The following CCDC149 variants were observed in gnomAD, a reference collection of about 807,000 sequenced individuals.
CCDC149 encodes coiled-coil domain containing 149, also known as coiled-coil domain-containing protein 149.
A neutral mutation model predicts 59.9 loss-of-function variants in CCDC149; 45 were observed. That is an observed-to-expected ratio of 0.75 (90% CI 0.59 to 0.96). CCDC149 has a LOEUF of 0.96. CCDC149 is among the 40% of genes least tolerant of loss of function. CCDC149 has a pLI of 0.00. For missense variants in CCDC149, 584 were observed against 664.7 expected (o/e 0.88, Z 1.33); for synonymous variants, 245 against 260.6 (o/e 0.94, Z 0.58).
chr4:24,831,973 G>T (rs1716184024), intron 8 of CCDC149, among the ~76,000 whole-genome samples: 1 of 152,144 alleles, frequency 6.6e-6, no homozygotes, highest in African/African-American at 2.4e-5. Context: ...ATGAAATATT[G>T]ATTTTTTTCC....
At chr4:24,886,487 T>C (rs544963775) in intron 1 of CCDC149, among the ~76,000 whole-genome samples, 17 of 152,226 alleles carry the variant, frequency 1.1e-4, no homozygotes, top group Non-Finnish European at 2.4e-4. Context: ...GTTATTAATG[T>C]ACACAGACTG....
intron 1 of CCDC149, among the ~76,000 whole-genome samples, chr4:24,929,801 C>T (rs1722533272): frequency 1.3e-5 from 2 of 152,150 alleles, no homozygotes; most frequent in African/African-American, 4.8e-5. Flanking sequence ...GAGCTCTTGT[C>T]ATTTTCTGCT....
At chr4:24,808,875 C>A in intron 12 of CCDC149, 56 bp from the exon 13 acceptor site, 1 of 1,446,408 alleles carries the variant, frequency 6.9e-7, no homozygotes. Context: ...GCCCTCACCG[C>A]CCCTCTTCTG....
chr4:24,832,785 G>C (rs868193734), intron 8 of CCDC149, among the ~76,000 whole-genome samples: 1 of 152,128 alleles, frequency 6.6e-6, no homozygotes, highest in African/African-American at 2.4e-5. Context: ...TAGATTGTAA[G>C]ATTTCCTTAG....
Position 24,835,027 on chromosome 4 carries a change from A to C in CCDC149, c.741T>G (p.Ala247=), listed in dbSNP as rs772682453. The C allele has an allele frequency of 1.2e-6, 2 of 1,613,226 alleles. No homozygotes were observed. Among genetic ancestry groups the C allele is most frequent in the Non-Finnish European group, 8.5e-7 (1 of 1,179,226 alleles). The stretch of plus-strand genomic sequence containing the variant: ...CCTTCGAGTTTTTCCGTCTCTCCAG[A>C]GCATTCTAAAACAGGATTGGGAGAG... The change falls in exon 8 of 13, where the codon GCT becomes GCG. Residue 247 remains alanine, a synonymous_variant. Transcript: ENST00000635206.
At chr4:24,949,394 G>A (rs1458612154) in intron 1 of CCDC149, among the ~76,000 whole-genome samples, 1 of 138,538 alleles carries the variant, frequency 7.2e-6, no homozygotes, top group Non-Finnish European at 1.6e-5. Context: ...TCCAGCTTCT[G>A]AGATTCCTTC....
rs1371854547 is a variant in CCDC149, at chr4:24,892,747, C to A, written c.64-16050G>T. ...AACATTTCCTTTCCAATGTTTCAGA[C>A]TTCTGAAACATTTCCTTTAAGGGAG... is the stretch of plus-strand genomic sequence containing the variant. On this transcript the variant is annotated intron_variant, in intron 1 of 12. Transcript: ENST00000635206. Among the ~76,000 whole-genome samples, 4 of 152,132 alleles carry A rather than the reference C, an allele frequency of 2.6e-5. No individual in the cohort carries two copies. The East Asian group carries it at 5.8e-4, about 22-fold the overall frequency.
At chr4:24,943,379 C>T (rs952768590) in intron 1 of CCDC149, among the ~76,000 whole-genome samples, 9 of 151,504 alleles carry the variant, frequency 5.9e-5, no homozygotes, top group Non-Finnish European at 8.8e-5. Flanking sequence ...AAAGCTGAAA[C>T]TGGATCCCTT....
In CCDC149 at chr4:24,837,143, A is replaced by T; in HGVS notation, c.662+85T>A. The T allele has an allele frequency of 7.6e-7, 1 of 1,320,778 alleles. No individual in the cohort carries two copies. Among genetic ancestry groups the T allele is most frequent in the East Asian group, 2.4e-5 (1 of 42,024 alleles). The allele number at this position is 1,320,778 out of a possible 1,614,324, so 81.8% of individuals were successfully genotyped here. The stretch of plus-strand genomic sequence containing the variant: ...TTGTAAGGCAATTTTCTCCAAAATA[A>T]ATAGGGCTGCAAATAACTCCCAGCC... On this transcript the variant is annotated intron_variant, in intron 6 of 12. Coordinates refer to ENST00000635206, the MANE Select transcript of CCDC149 (RefSeq NM_001330643.2). The surrounding 1 kb of genome is among the most constrained non-coding windows in gnomAD (Gnocchi z 4.3).
chr4:24,853,025 C>T lies in CCDC149; in HGVS notation c.372+47G>A, dbSNP rs772822532. 71 of 1,201,322 alleles carry T rather than the reference C, an allele frequency of 5.9e-5. No individual in the cohort carries two copies. The Middle Eastern group carries it at 7.6e-4, about 13-fold the overall frequency. The allele number at this position is 1,201,322 out of a possible 1,614,324, so 74.4% of individuals were successfully genotyped here. On this transcript the variant is annotated intron_variant, in intron 4 of 12. Transcript: ENST00000635206. The stretch of plus-strand genomic sequence containing the variant: ...CGATGTGCAATATATAAACCTCGAA[C>T]GCACAATGTTGCAGCAGAGCTTCTT...
intron 1 of CCDC149, among the ~76,000 whole-genome samples, chr4:24,905,158 C>T (rs1721399740): frequency 6.6e-6 from 1 of 151,938 alleles, no homozygotes; most frequent in Admixed American, 6.6e-5. Context: ...CGTGGCCTCC[C>T]AAAGTGCTGG....
intron 12 of CCDC149, among the ~76,000 whole-genome samples, chr4:24,814,621 C>T (rs1170810005): frequency 6.6e-6 from 1 of 152,196 alleles, no homozygotes; most frequent in Non-Finnish European, 1.5e-5. Flanking sequence ...TCAATAAGAT[C>T]CTGGGTGATG....
chr4:24,941,690 C>T (rs186468745), intron 1 of CCDC149, among the ~76,000 whole-genome samples: 13 of 152,122 alleles, frequency 8.5e-5, no homozygotes, highest in Admixed American at 2.6e-4. Context: ...ATCAAATAGA[C>T]GCAATAAAAA....
In CCDC149 at chr4:24,948,975, C is replaced by T. The variant is rs981973718; in HGVS notation, c.-65+31094G>A. ...TTCATCTTCCGCCATGATTTTGAGG[C>T]CTCCCCAGCCACGTGAAACTGTGAG... On this transcript the variant is annotated intron_variant, in intron 1 of 12. Coordinates refer to the CCDC149 transcript ENST00000389609. 5.9e-5 allele frequency among the ~76,000 whole-genome samples: 9 copies of T among 152,194 alleles called. 1 individual carries two copies. Among genetic ancestry groups the T allele is most frequent in the Admixed American group, 2.0e-4 (3 of 15,278 alleles).
intron 10 of CCDC149, among the ~76,000 whole-genome samples, chr4:24,822,283 T>C (rs1715456024): frequency 6.6e-6 from 1 of 152,138 alleles, no homozygotes; most frequent in South Asian, 2.1e-4. Context: ...AAACCCTGAA[T>C]ATTTACTGCA....
intron 3 of CCDC149, among the ~76,000 whole-genome samples, chr4:24,864,647 T>C (rs1300667712): frequency 2.0e-5 from 3 of 152,202 alleles, no homozygotes; most frequent in African/African-American, 7.2e-5. Context: ...TTAAACTCTT[T>C]CTCTATTGCA....
chr4:24,944,249 G>GAACAT (rs1723037723), intron 1 of CCDC149, among the ~76,000 whole-genome samples: 1 of 152,154 alleles, frequency 6.6e-6, no homozygotes, highest in Non-Finnish European at 1.5e-5. Flanking sequence ...GTCCTTTGTA[G>GAACAT]GGACATGGAT....
At chr4:24,825,169 G>C (rs1715644759) in intron 9 of CCDC149, among the ~76,000 whole-genome samples, 2 of 152,212 alleles carry the variant, frequency 1.3e-5, no homozygotes, top group Admixed American at 1.3e-4. Flanking sequence ...ACAGGCTGCA[G>C]GGGATAATGA....
At chr4:24,978,588 G>A (rs1442033370) in intron 1 of CCDC149, among the ~76,000 whole-genome samples, 1 of 152,178 alleles carries the variant, frequency 6.6e-6, no homozygotes, top group Admixed American at 6.5e-5. Flanking sequence ...AAGAGACAAG[G>A]ATGGGGGTAG....
Sources: gnomAD v4.1 joint callset for allele counts (sites outside exome capture counted in the v4.1 genomes callset) on GRCh38, gnomAD v4.1.1 for gene constraint, Gnocchi (gnomAD v3.1) non-coding constraint, MANE v1.5 for transcripts, NCBI Gene and HGNC (gene_info 2026-07-23, HGNC 2026-07-21) for gene names.